The following SYNJ2BP variants were observed in gnomAD, a reference collection of about 807,000 sequenced individuals.
SYNJ2BP encodes the protein synaptojanin-2-binding protein.
A neutral mutation model predicts 16.9 loss-of-function variants in SYNJ2BP; 10 were observed. The observed-to-expected ratio is 0.59, with a 90% CI of 0.36 to 1.00. The LOEUF is 1.00. Ranked by LOEUF, SYNJ2BP falls within the 50% of genes least tolerant of loss-of-function variation. SYNJ2BP has a pLI of 0.01. For missense variants in SYNJ2BP, 162 were observed against 186.7 expected (o/e 0.87, Z 0.77); for synonymous variants, 54 against 68.4 (o/e 0.79, Z 1.04).
intron 1 of SYNJ2BP, among the ~76,000 whole-genome samples, chr14:70,413,593 C>T (rs1302318420): frequency 1.3e-5 from 2 of 152,170 alleles, no homozygotes; most frequent in South Asian, 2.1e-4. Flanking sequence ...GAGACAAGAT[C>T]GTGCCACTGC....
intron 1 of SYNJ2BP, among the ~76,000 whole-genome samples, chr14:70,399,952 C>T (rs1888200460): frequency 6.6e-6 from 1 of 152,174 alleles, no homozygotes; most frequent in Admixed American, 6.5e-5. Context: ...TTTTGAGCTG[C>T]AGTCAGAGAT....
Position 70,401,480 on chromosome 14 carries a change from GA to G in SYNJ2BP, c.65-12875del, listed in dbSNP as rs541700507. ...TATTTAGGCTATCTTTTGTGGGGGG[GA>G]AAGGACTTTCTGCTTTTTTCCTCTC... On this transcript the variant is annotated intron_variant, in intron 1 of 3. Transcript: ENST00000256366. Among the ~76,000 whole-genome samples, 46 of 147,648 alleles carry G rather than the reference GA, an allele frequency of 3.1e-4. No individual in the cohort carries two copies. In the South Asian group the frequency reaches 6.9e-3, roughly 22 times the overall value.
chr14:70,378,766 TCCA>T (rs1887686841), intron 2 of SYNJ2BP, among the ~76,000 whole-genome samples: 1 of 152,104 alleles, frequency 6.6e-6, no homozygotes, highest in Admixed American at 6.5e-5. Flanking sequence ...GGGACCCCAA[TCCA>T]CCATGTCAAG....
rs149186362 is a variant in SYNJ2BP, at chr14:70,368,691, T to TTTGTTG, written c.*4294_*4299dup. The TTTGTTG allele has an allele frequency of 4.4e-4, 67 of 151,266 alleles. No individual in the cohort carries two copies. Among genetic ancestry groups the TTTGTTG allele is most frequent in the African/African-American group, 1.3e-3 (55 of 41,336 alleles). 9.4% of individuals were successfully genotyped at this position (151,266 alleles called of 1,614,324 possible). ...AAGCTGGGCTCTAAAGGCCCAAGTTTTTGTTGTTGTTGTTGTTGTTGTTGT... is the reference window on the plus strand; with the variant it reads ...AAGCTGGGCTCTAAAGGCCCAAGTTTTTGTTGTTGTTGTTGTTGTTGTTGTTGTTGT... On this transcript the variant is annotated 3_prime_UTR_variant, in exon 4 of 4. Coordinates refer to ENST00000256366, the MANE Select transcript of SYNJ2BP (RefSeq NM_018373.3).
chr14:70,375,660 T>A lies in SYNJ2BP; in HGVS notation c.297+16A>T. The A allele has an allele frequency of 6.2e-6, 10 of 1,607,256 alleles. No individual in the cohort carries two copies. Among genetic ancestry groups the A allele is most frequent in the Non-Finnish European group, 8.5e-6 (10 of 1,177,826 alleles). The stretch of plus-strand genomic sequence containing the variant: ...AAAAGCCTGGTGCCAGGTTTCTGGC[T>A]CAAAGTGATACCTACCCTGTGCTGC... On this transcript the variant is annotated intron_variant, in intron 3 of 3. Coordinates refer to ENST00000256366, the MANE Select transcript of SYNJ2BP (RefSeq NM_018373.3).
intron 1 of SYNJ2BP, among the ~76,000 whole-genome samples, chr14:70,392,522 T>C (rs1311979716): frequency 6.6e-6 from 1 of 152,166 alleles, no homozygotes; most frequent in East Asian, 1.9e-4. Flanking sequence ...AACTACATAG[T>C]AGTTGCTCTA....
At chr14:70,376,481 G>A (rs367852980) in intron 2 of SYNJ2BP, among the ~76,000 whole-genome samples, 4 of 152,284 alleles carry the variant, frequency 2.6e-5, no homozygotes, top group East Asian at 3.9e-4. Context: ...GAGTGACATC[G>A]GCCACAAGTA....
intron 1 of SYNJ2BP, among the ~76,000 whole-genome samples, chr14:70,394,294 C>T (rs911635165): frequency 5.3e-5 from 8 of 151,724 alleles, no homozygotes; most frequent in African/African-American, 1.9e-4. Flanking sequence ...GAGAAAGATA[C>T]AGGATAGAGT....
At chr14:70,380,587 A>G (rs1887726702) in intron 2 of SYNJ2BP, among the ~76,000 whole-genome samples, 1 of 151,488 alleles carries the variant, frequency 6.6e-6, no homozygotes, top group South Asian at 2.1e-4. Context: ...ACTTGAACAC[A>G]GGAGGCAGAG....
At chr14:70,398,599 G>C (rs1464982876) in intron 1 of SYNJ2BP, among the ~76,000 whole-genome samples, 1 of 152,190 alleles carries the variant, frequency 6.6e-6, no homozygotes, top group Non-Finnish European at 1.5e-5. Flanking sequence ...CAGGCACTGG[G>C]AGCAGGGAGA....
At chr14:70,404,090 G>A (rs1340186740) in intron 1 of SYNJ2BP, among the ~76,000 whole-genome samples, 1 of 152,020 alleles carries the variant, frequency 6.6e-6, no homozygotes, top group Non-Finnish European at 1.5e-5. Flanking sequence ...TTGAGGCCAG[G>A]CATGGTAGCT....
At chr14:70,375,337 G>A (rs1243721813) in intron 3 of SYNJ2BP, among the ~76,000 whole-genome samples, 10 of 151,494 alleles carry the variant, frequency 6.6e-5, no homozygotes, top group Admixed American at 6.6e-4. Flanking sequence ...AAGTAGCTGA[G>A]ACTACAGGTG....
At chr14:70,414,651 A>G (rs989240265) in intron 1 of SYNJ2BP, among the ~76,000 whole-genome samples, 33 of 152,370 alleles carry the variant, frequency 2.2e-4, no homozygotes, top group African/African-American at 7.9e-4. Context: ...AAAGTACATT[A>G]AATTCTTAAG....
chr14:70,399,434 A>G (rs1888183734), intron 1 of SYNJ2BP, among the ~76,000 whole-genome samples: 1 of 152,182 alleles, frequency 6.6e-6, no homozygotes, highest in Non-Finnish European at 1.5e-5. Context: ...CTCTCCCTGC[A>G]GTGGCAGCAG....
chr14:70,379,938 G>T (rs1566615868), intron 2 of SYNJ2BP, among the ~76,000 whole-genome samples: 1 of 152,178 alleles, frequency 6.6e-6, no homozygotes, highest in African/African-American at 2.4e-5. Context: ...AGATAACTGG[G>T]TCACTATATT....
intron 2 of SYNJ2BP, 104 bp from the exon 3 acceptor site, chr14:70,375,875 A>G (rs1887619495): frequency 6.8e-7 from 1 of 1,464,554 alleles, no homozygotes. Flanking sequence ...TTCAGAGCAA[A>G]TTGCAAGGAC....
chr14:70,410,198 T>C (rs1220720018), intron 1 of SYNJ2BP, among the ~76,000 whole-genome samples: 5 of 152,146 alleles, frequency 3.3e-5, no homozygotes, highest in African/African-American at 1.2e-4. Context: ...GTGAATAACT[T>C]GAGCTCAGGA....
At position 70,372,875 on chromosome 14, in the gene SYNJ2BP, G is replaced by T; in HGVS notation, c.*116C>A. On this transcript the variant is annotated 3_prime_UTR_variant, in exon 4 of 4. Transcript: ENST00000256366. ...CTGTGAACAGCAAGGTTTGGGGTGGGTATCAGTCACTTCAAATCTGGCTAT... is the reference window on the plus strand; with the variant it reads ...CTGTGAACAGCAAGGTTTGGGGTGGTTATCAGTCACTTCAAATCTGGCTAT... 6.8e-7 allele frequency: 1 copy of T among 1,460,774 alleles called. No homozygotes were observed. The highest frequency in any genetic ancestry group is 9.3e-7 in the Non-Finnish European group (1 of 1,079,098). The allele number at this position is 1,460,774 out of a possible 1,614,324, so 90.5% of individuals were successfully genotyped here.
At chr14:70,385,309 C>T (rs1399376659) in intron 2 of SYNJ2BP, among the ~76,000 whole-genome samples, 1 of 151,852 alleles carries the variant, frequency 6.6e-6, no homozygotes, top group Non-Finnish European at 1.5e-5. Flanking sequence ...TCTGATTCTA[C>T]CCTTTATAGA....
Sources: allele counts gnomAD v4.1 joint callset (sites outside exome capture counted in the v4.1 genomes callset), GRCh38; gene constraint gnomAD v4.1.1; transcripts MANE v1.5; gene names NCBI Gene and HGNC (gene_info 2026-07-23, HGNC 2026-07-21).